The following MYO1D variants were observed in gnomAD, a reference collection of about 807,000 sequenced individuals.
MYO1D encodes myosin ID, also known as unconventional myosin-Id.
In MYO1D, 83 loss-of-function variants were observed where a neutral mutation model predicts 122.0. The observed-to-expected ratio is 0.68, with a 90% CI of 0.57 to 0.82. The LOEUF (loss-of-function observed/expected upper bound fraction) is 0.82. Ranked by LOEUF, MYO1D falls within the 40% of genes least tolerant of loss-of-function variation. The pLI is 0.00. For missense variants in MYO1D, 1,157 were observed against 1,269.5 expected, an observed-to-expected ratio of 0.91 and a Z score of 1.35; for synonymous variants, 464 against 446.9, an observed-to-expected ratio of 1.04 and a Z score of -0.48.
At chr17:32,830,711 G>A (rs1173925019) in intron 1 of MYO1D, among the ~76,000 whole-genome samples, 2 of 152,088 alleles carry the variant, frequency 1.3e-5, no homozygotes, top group African/African-American at 4.8e-5. Context: ...GGAATAATTG[G>A]GTTTTTAAAT....
At chr17:32,596,118 A>G (rs2087489875) in intron 21 of MYO1D, among the ~76,000 whole-genome samples, 1 of 152,348 alleles carries the variant, frequency 6.6e-6, no homozygotes, top group Middle Eastern at 3.4e-3. Flanking sequence ...GCCTTCAATA[A>G]TTATTTTAAA....
At position 32,518,768 on chromosome 17, in the gene MYO1D, C is replaced by T. The variant is rs1184690856; in HGVS notation, c.2865-23853G>A. The stretch of plus-strand genomic sequence containing the variant: ...GTTAGGGCCATTACTGTGGCCAAAT[C>T]CCCAGCACTCTTCATCACCAGGTGA... On this transcript the variant is annotated intron_variant, in intron 21 of 21. Transcript: ENST00000318217. 3 of 152,332 alleles carry T rather than the reference C, an allele frequency of 2.0e-5. No homozygotes were observed. In the East Asian group the frequency reaches 5.8e-4, roughly 29 times the overall value. 9.4% of individuals were successfully genotyped at this position (152,332 alleles called of 1,614,324 possible).
intron 16 of MYO1D, among the ~76,000 whole-genome samples, chr17:32,671,541 G>A (rs1456592499): frequency 1.3e-5 from 2 of 152,202 alleles, no homozygotes; most frequent in Admixed American, 6.5e-5. Context: ...GTATCTTTAA[G>A]GGATAGTGGA....
At chr17:32,714,105 T>A (rs191389113) in intron 15 of MYO1D, among the ~76,000 whole-genome samples, 124 of 152,116 alleles carry the variant, frequency 8.2e-4, no homozygotes, top group Middle Eastern at 3.4e-3. Flanking sequence ...GTGTAGGATG[T>A]GCAGGTTTGT....
intron 21 of MYO1D, among the ~76,000 whole-genome samples, chr17:32,521,340 A>T (rs1910131435): frequency 6.6e-6 from 1 of 152,190 alleles, no homozygotes; most frequent in African/African-American, 2.4e-5. Context: ...CATAGCACTC[A>T]TGAGTGCTAT....
At chr17:32,579,629 TCTTGTGCTG>T (rs1324933038) in intron 21 of MYO1D, among the ~76,000 whole-genome samples, 1 of 152,180 alleles carries the variant, frequency 6.6e-6, no homozygotes, top group Non-Finnish European at 1.5e-5. Flanking sequence ...CCCAAAGGTT[TCTTGTGCTG>T]CTTTGTAATT....
chr17:32,846,336 CAG>C (rs1567669796), intron 1 of MYO1D, among the ~76,000 whole-genome samples: 1 of 152,198 alleles, frequency 6.6e-6, no homozygotes, highest in African/African-American at 2.4e-5. Flanking sequence ...TGATCACACA[CAG>C]GACTATTAAT....
chr17:32,722,847 T>C (rs1225312836), intron 14 of MYO1D, among the ~76,000 whole-genome samples: 1 of 152,124 alleles, frequency 6.6e-6, no homozygotes, highest in Admixed American at 6.5e-5. Flanking sequence ...GTCTTAGTTA[T>C]GATAATGAGG....
chr17:32,717,583 G>GA (rs1250143063), intron 15 of MYO1D, among the ~76,000 whole-genome samples: 2 of 152,174 alleles, frequency 1.3e-5, no homozygotes, highest in Non-Finnish European at 2.9e-5. Context: ...AGGTATGCCA[G>GA]AAAATGCTGT....
intron 1 of MYO1D, among the ~76,000 whole-genome samples, chr17:32,828,760 G>A (rs1263046727): frequency 6.6e-6 from 1 of 152,156 alleles, no homozygotes; most frequent in Non-Finnish European, 1.5e-5. Context: ...TGCCTGCTTC[G>A]TGCTAAGAGG....
intron 14 of MYO1D, among the ~76,000 whole-genome samples, chr17:32,729,944 T>A (rs189590043): frequency 1.8e-3 from 276 of 152,296 alleles, no homozygotes; most frequent in Non-Finnish European, 3.5e-3. Flanking sequence ...CACTAATAAA[T>A]AGCATATATC....
At chr17:32,774,383 G>C (rs1274717234) in intron 4 of MYO1D, among the ~76,000 whole-genome samples, 1 of 152,106 alleles carries the variant, frequency 6.6e-6, no homozygotes, top group Non-Finnish European at 1.5e-5. Context: ...AAGCTATTTT[G>C]ATTTTTTTAA....
At chr17:32,543,691 G>A (rs966525214) in intron 21 of MYO1D, among the ~76,000 whole-genome samples, 1 of 152,198 alleles carries the variant, frequency 6.6e-6, no homozygotes, top group Non-Finnish European at 1.5e-5. Flanking sequence ...AAGTCTAGGC[G>A]AGTGGCACCT....
chr17:32,671,986 C>T (rs1044145298), intron 16 of MYO1D, among the ~76,000 whole-genome samples: 6 of 152,006 alleles, frequency 3.9e-5, no homozygotes, highest in South Asian at 2.1e-4. Context: ...TTTTTGGTAC[C>T]GCCTTAAATT....
At chr17:32,678,629 A>G (rs376609620) in intron 16 of MYO1D, among the ~76,000 whole-genome samples, 5 of 151,300 alleles carry the variant, frequency 3.3e-5, no homozygotes, top group Non-Finnish European at 5.9e-5. Flanking sequence ...TGGTGTATAT[A>G]TGCCACATTT....
At chr17:32,712,832 G>C (rs1404126831) in intron 15 of MYO1D, among the ~76,000 whole-genome samples, 1 of 152,182 alleles carries the variant, frequency 6.6e-6, no homozygotes, top group Non-Finnish European at 1.5e-5. Context: ...TCATGAGTGT[G>C]AGTGTGAACA....
intron 1 of MYO1D, among the ~76,000 whole-genome samples, chr17:32,848,152 T>G (rs1286648141): frequency 6.6e-6 from 1 of 152,238 alleles, no homozygotes; most frequent in East Asian, 1.9e-4. Context: ...ATTTAAGATA[T>G]GACTCCTGGA....
At chr17:32,826,785 T>C (rs1378570868) in intron 1 of MYO1D, among the ~76,000 whole-genome samples, 1 of 152,222 alleles carries the variant, frequency 6.6e-6, no homozygotes, top group Non-Finnish European at 1.5e-5. Flanking sequence ...CAATATTTGG[T>C]AATGCATTTA....
At chr17:32,740,149 A>G (rs763071535) in intron 13 of MYO1D, among the ~76,000 whole-genome samples, 3 of 152,238 alleles carry the variant, frequency 2.0e-5, no homozygotes, top group South Asian at 2.1e-4. Flanking sequence ...TACAGTGCAC[A>G]TGGTGCCTGA....
Sources: allele counts gnomAD v4.1 joint callset (sites outside exome capture counted in the v4.1 genomes callset), GRCh38; gene constraint gnomAD v4.1.1; transcripts MANE v1.5; gene names NCBI Gene and HGNC (gene_info 2026-07-23, HGNC 2026-07-21).